The following RBFOX3 variants were observed in gnomAD, a reference collection of about 807,000 sequenced individuals.
The protein encoded by RBFOX3 is RNA binding fox-1 homolog 3.
In RBFOX3, 17 loss-of-function variants were observed where a neutral mutation model predicts 48.7. That is an observed-to-expected ratio of 0.35 (90% CI 0.24 to 0.52). The LOEUF (loss-of-function observed/expected upper bound fraction) is 0.52, where lower values mean the gene tolerates loss of function less well. RBFOX3 is among the 20% of genes least tolerant of loss of function. The pLI is 0.94. For missense variants in RBFOX3, 382 were observed against 497.5 expected, an observed-to-expected ratio of 0.77 and a Z score of 2.21; for synonymous variants, 212 against 209.5, an observed-to-expected ratio of 1.01 and a Z score of -0.10.
At chr17:79,272,436 C>T (rs566372855) in intron 3 of RBFOX3, among the ~76,000 whole-genome samples, 3 of 152,322 alleles carry the variant, frequency 2.0e-5, no homozygotes, top group South Asian at 2.1e-4. Context: ...TAACCATCAG[C>T]ATTTTCTCTC....
chr17:79,138,058 A>G (rs2040680234), intron 4 of RBFOX3, among the ~76,000 whole-genome samples: 1 of 152,154 alleles, frequency 6.6e-6, no homozygotes, highest in African/African-American at 2.4e-5. Flanking sequence ...CACGCCAGGC[A>G]CACACACGCC....
At chr17:79,463,086 T>A (rs1323310702) in intron 2 of RBFOX3, among the ~76,000 whole-genome samples, 1 of 83,444 alleles carries the variant, frequency 1.2e-5, no homozygotes, top group Non-Finnish European at 2.3e-5. Context: ...TCCACCGACT[T>A]TGCCACTGCC....
At chr17:79,584,770 TTTA>T (rs2093187356) in intron 1 of RBFOX3, among the ~76,000 whole-genome samples, 1 of 78,310 alleles carries the variant, frequency 1.3e-5, no homozygotes, top group African/African-American at 4.1e-5. Context: ...TTTTTATTTA[TTTA>T]TTTTTTTTTT....
At chr17:79,486,766 G>A (rs976061680) in intron 1 of RBFOX3, among the ~76,000 whole-genome samples, 3 of 152,164 alleles carry the variant, frequency 2.0e-5, no homozygotes, top group Non-Finnish European at 4.4e-5. Context: ...GTGCCCTGGG[G>A]CTTGGAGGGG....
chr17:79,441,950 C>T (rs1187314174), intron 2 of RBFOX3, among the ~76,000 whole-genome samples: 1 of 151,926 alleles, frequency 6.6e-6, no homozygotes, highest in Admixed American at 6.5e-5. Context: ...GAGCCCGGGC[C>T]CCGCCTTGAC....
At chr17:79,129,998 C>T (rs2038400769) in intron 4 of RBFOX3, among the ~76,000 whole-genome samples, 1 of 152,104 alleles carries the variant, frequency 6.6e-6, no homozygotes, top group South Asian at 2.1e-4. Context: ...GCAGGGGCTG[C>T]CCTGCGGGGA....
intron 2 of RBFOX3, among the ~76,000 whole-genome samples, chr17:79,424,881 TC>T (rs1164471908): frequency 6.6e-6 from 1 of 151,838 alleles, no homozygotes; most frequent in African/African-American, 2.4e-5. Context: ...CCAAAGCCCC[TC>T]CCCACCATGG....
chr17:79,484,258 TACCGAAGA>T lies in RBFOX3; in HGVS notation c.-319-1668_-319-1661del, dbSNP rs1361733549. Among the ~76,000 whole-genome samples the T allele has an allele frequency of 2.7e-3, 412 of 152,240 alleles. 8 individuals carry two copies. The South Asian group carries it at 0.041, about 15-fold the overall frequency. Reference sequence around the variant, plus strand: ...GTCACTGGACAGAGTACCACCCCCATACCGAAGAACCGAAGAGCAGAACCAGCATCACA... The same window carrying T: ...GTCACTGGACAGAGTACCACCCCCATACCGAAGAGCAGAACCAGCATCACA... On this transcript the variant is annotated intron_variant, in intron 1 of 14. Coordinates refer to ENST00000693108, the MANE Select transcript of RBFOX3 (RefSeq NM_001350451.2).
At chr17:79,488,496 C>T (rs1555770871) in intron 1 of RBFOX3, among the ~76,000 whole-genome samples, 1 of 152,210 alleles carries the variant, frequency 6.6e-6, no homozygotes. Context: ...CCATTCTCTG[C>T]AACAGCCTGA....
chr17:79,181,626 C>T (rs766697122), intron 4 of RBFOX3, among the ~76,000 whole-genome samples: 4 of 46,122 alleles, frequency 8.7e-5, no homozygotes, highest in South Asian at 1.9e-3. Flanking sequence ...AGGCCACTGC[C>T]GGCCACCCTC....
At chr17:79,593,757 A>G (rs889817030) in intron 1 of RBFOX3, among the ~76,000 whole-genome samples, 6 of 152,234 alleles carry the variant, frequency 3.9e-5, no homozygotes, top group African/African-American at 1.2e-4. Flanking sequence ...CGATGGGCAC[A>G]CTGGGCACCA....
intron 4 of RBFOX3, among the ~76,000 whole-genome samples, chr17:79,142,004 G>A (rs1451961180): frequency 6.6e-6 from 1 of 152,224 alleles, no homozygotes; most frequent in Non-Finnish European, 1.5e-5. Context: ...CCCAGGACGG[G>A]ATCCTTGCCC....
At chr17:79,333,443 T>C (rs1039155395) in intron 2 of RBFOX3, among the ~76,000 whole-genome samples, 1 of 152,140 alleles carries the variant, frequency 6.6e-6, no homozygotes, top group African/African-American at 2.4e-5. Flanking sequence ...CCAAAGCCAT[T>C]ATTTTTACAC....
At chr17:79,241,209 T>A (rs1246126879) in intron 3 of RBFOX3, among the ~76,000 whole-genome samples, 2 of 151,154 alleles carry the variant, frequency 1.3e-5, no homozygotes, top group Non-Finnish European at 2.9e-5. Flanking sequence ...ATGGGAGGTC[T>A]CAGTATGTTG....
intron 4 of RBFOX3, among the ~76,000 whole-genome samples, chr17:79,207,368 G>C (rs77569015): frequency 1.3e-5 from 2 of 152,316 alleles, no homozygotes; most frequent in South Asian, 4.1e-4. Context: ...GAGGCCCCCA[G>C]TGTCCCTCGA....
chr17:79,185,233 G>C (rs1362027548), intron 4 of RBFOX3, among the ~76,000 whole-genome samples: 1 of 152,236 alleles, frequency 6.6e-6, no homozygotes. Context: ...ATCCTGCTCT[G>C]TGTTCCCTCT....
chr17:79,565,805 T>C (rs2092433623), intron 1 of RBFOX3, among the ~76,000 whole-genome samples: 1 of 152,232 alleles, frequency 6.6e-6, no homozygotes, highest in Non-Finnish European at 1.5e-5. Context: ...ACAATACTTC[T>C]ATGAATGCAA....
intron 1 of RBFOX3, among the ~76,000 whole-genome samples, chr17:79,518,462 G>C (rs1036260453): frequency 1.3e-5 from 2 of 152,244 alleles, no homozygotes; most frequent in Admixed American, 6.5e-5. Flanking sequence ...GATGGTGCTG[G>C]AAAGTGCCTT....
intron 2 of RBFOX3, among the ~76,000 whole-genome samples, chr17:79,378,398 C>T (rs2059479664): frequency 6.6e-6 from 1 of 152,276 alleles, no homozygotes. Context: ...ACAGGCATGC[C>T]CCAGACCATA....
Sources: allele counts gnomAD v4.1 joint callset (sites outside exome capture counted in the v4.1 genomes callset), GRCh38; gene constraint gnomAD v4.1.1; transcripts MANE v1.5; gene names NCBI Gene and HGNC (gene_info 2026-07-23, HGNC 2026-07-21).